Variants in NALF1 observed in about 807,000 individuals in gnomAD.
NALF1 encodes family with sequence similarity 155 member A.
A neutral mutation model predicts 48.4 loss-of-function variants in NALF1; 3 were observed. The observed-to-expected ratio is 0.06, with a 90% CI of 0.03 to 0.16. The LOEUF is 0.16. Ranked by LOEUF, NALF1 falls within the 10% of genes least tolerant of loss-of-function variation. NALF1 has a pLI of 1.00. For synonymous variants in NALF1, 262 were observed against 245.7 expected, an observed-to-expected ratio of 1.07 and a Z score of -0.62; for missense variants, 526 against 571.5, an observed-to-expected ratio of 0.92 and a Z score of 0.81.
intron 1 of NALF1, among the ~76,000 whole-genome samples, chr13:107,817,429 C>T (rs902879239): frequency 1.3e-5 from 2 of 152,090 alleles, no homozygotes; most frequent in African/African-American, 2.4e-5. Flanking sequence ...GGACACACAG[C>T]CAGAGCTATA....
intron 1 of NALF1, among the ~76,000 whole-genome samples, chr13:107,673,984 A>G (rs1316603946): frequency 6.6e-6 from 1 of 152,112 alleles, no homozygotes; most frequent in Non-Finnish European, 1.5e-5. Context: ...GGCAGCAGCT[A>G]TTAAGTGTTC....
intron 1 of NALF1, among the ~76,000 whole-genome samples, chr13:107,254,815 A>G (rs1880779551): frequency 6.6e-6 from 1 of 152,224 alleles, no homozygotes; most frequent in African/African-American, 2.4e-5. Context: ...GGCAAATGCT[A>G]TAACTACAGC....
At chr13:107,343,729 G>A (rs1447774145) in intron 1 of NALF1, among the ~76,000 whole-genome samples, 1 of 152,038 alleles carries the variant, frequency 6.6e-6, no homozygotes, top group Non-Finnish European at 1.5e-5. Context: ...AGCACCAAGA[G>A]CAAAGTTTAT....
At chr13:107,403,737 C>A (rs1883852522) in intron 1 of NALF1, among the ~76,000 whole-genome samples, 1 of 151,160 alleles carries the variant, frequency 6.6e-6, no homozygotes, top group Non-Finnish European at 1.5e-5. Context: ...AAAAAACTCA[C>A]CTTTTTTAGA....
At chr13:107,618,796 TCAGGGAAAGTATTGATGCTTAGTCTG>T (rs1879450172) in intron 1 of NALF1, among the ~76,000 whole-genome samples, 1 of 152,116 alleles carries the variant, frequency 6.6e-6, no homozygotes, top group African/African-American at 2.4e-5. Context: ...AGACTGAGGG[TCAGGGAAAGTATTGATGCTTAGTCTG>T]CAGGGGTGGA....
chr13:107,173,684 A>G (rs1878852294), intron 2 of NALF1, among the ~76,000 whole-genome samples: 1 of 152,024 alleles, frequency 6.6e-6, no homozygotes, highest in Non-Finnish European at 1.5e-5. Flanking sequence ...AGGGTTTACA[A>G]CCTCTAGTGT....
chr13:107,794,219 G>T (rs1878338144), intron 1 of NALF1, among the ~76,000 whole-genome samples: 1 of 152,108 alleles, frequency 6.6e-6, no homozygotes, highest in Admixed American at 6.6e-5. Flanking sequence ...TGAAGAACAA[G>T]AACAGCTGCC....
At chr13:107,295,543 C>G (rs1276204243) in intron 1 of NALF1, among the ~76,000 whole-genome samples, 1 of 152,136 alleles carries the variant, frequency 6.6e-6, no homozygotes, top group African/African-American at 2.4e-5. Flanking sequence ...CATCCACTGC[C>G]TTCTTCACAC....
chr13:107,294,717 G>C (rs536408630), intron 1 of NALF1, among the ~76,000 whole-genome samples: 1 of 152,338 alleles, frequency 6.6e-6, no homozygotes, highest in East Asian at 1.9e-4. Flanking sequence ...ACCTAGCTGA[G>C]AATGCAAACC....
intron 1 of NALF1, among the ~76,000 whole-genome samples, chr13:107,779,414 C>T (rs1430720713): frequency 1.3e-5 from 2 of 152,162 alleles, no homozygotes; most frequent in Admixed American, 6.5e-5. Context: ...AGATCCTATA[C>T]ATTATCTGAG....
rs1879025639 is a variant in NALF1 at position 107,179,838 on chromosome 13, T to G, written c.1088-9052A>C. Among the ~76,000 whole-genome samples, 3 of 149,070 alleles carry G rather than the reference T, an allele frequency of 2.0e-5. No individual in the cohort carries two copies. The Admixed American group carries it at 2.0e-4, about 10-fold the overall frequency. On this transcript the variant is annotated intron_variant, in intron 2 of 2. Transcript: ENST00000375915. The stretch of plus-strand genomic sequence containing the variant: ...CCACCTATTCCTGGAGCTTCTTGGC[T>G]GGCAGGCATCATTCCAGCTGCTGCT...
chr13:107,320,120 A>C (rs1477793296), intron 1 of NALF1, among the ~76,000 whole-genome samples: 2 of 152,132 alleles, frequency 1.3e-5, no homozygotes, highest in Non-Finnish European at 2.9e-5. Context: ...CAGTCTTTTG[A>C]CTTGCTAATT....
At chr13:107,433,335 ATG>A (rs1229066560) in intron 1 of NALF1, among the ~76,000 whole-genome samples, 2 of 152,222 alleles carry the variant, frequency 1.3e-5, no homozygotes, top group Non-Finnish European at 2.9e-5. Flanking sequence ...GTTAGAATAA[ATG>A]TGTCTTCTAA....
intron 1 of NALF1, among the ~76,000 whole-genome samples, chr13:107,618,574 G>A (rs903117125): frequency 1.3e-5 from 2 of 152,190 alleles, no homozygotes; most frequent in Admixed American, 6.5e-5. Context: ...TCAGGTTAGA[G>A]AGATGGCAGT....
At chr13:107,833,830 C>G (rs1168086063) in intron 1 of NALF1, among the ~76,000 whole-genome samples, 2 of 151,896 alleles carry the variant, frequency 1.3e-5, no homozygotes, top group Non-Finnish European at 1.5e-5. Context: ...ATTTTAATTT[C>G]CAGTATTTTG....
chr13:107,404,035 A>C (rs565359772), intron 1 of NALF1, among the ~76,000 whole-genome samples: 1 of 152,112 alleles, frequency 6.6e-6, no homozygotes, highest in Non-Finnish European at 1.5e-5. Flanking sequence ...AAAAATAAAG[A>C]TTTAGTTACA....
rs1309594299 is a variant in NALF1 at position 107,638,619 on chromosome 13, A to C, written c.915+227063T>G. Reference sequence around the variant, plus strand: ...TTTCAGAGAGTGATGCAAGCTTTGAAGGAAAAACTAATAACAGTACAAACA... The same window carrying C: ...TTTCAGAGAGTGATGCAAGCTTTGACGGAAAAACTAATAACAGTACAAACA... On this transcript the variant is annotated intron_variant, in intron 1 of 2. Transcript: ENST00000375915. Among the ~76,000 whole-genome samples, 2 of 152,228 alleles carry C rather than the reference A, an allele frequency of 1.3e-5. 1 individual carries two copies. Among genetic ancestry groups the C allele is most frequent in the South Asian group, 4.1e-4 (2 of 4,822 alleles).
chr13:107,612,827 A>G (rs1879271726), intron 1 of NALF1, among the ~76,000 whole-genome samples: 1 of 152,114 alleles, frequency 6.6e-6, no homozygotes, highest in Non-Finnish European at 1.5e-5. Context: ...TAATCACACG[A>G]GACATATTTT....
intron 1 of NALF1, among the ~76,000 whole-genome samples, chr13:107,313,555 T>A (rs1882085770): frequency 6.6e-6 from 1 of 152,132 alleles, no homozygotes; most frequent in African/African-American, 2.4e-5. Flanking sequence ...ACCCTGGCAA[T>A]GTAAACTGGT....
Sources: allele counts gnomAD v4.1 joint callset (sites outside exome capture counted in the v4.1 genomes callset), GRCh38; gene constraint gnomAD v4.1.1; transcripts MANE v1.5; gene names NCBI Gene and HGNC (gene_info 2026-07-23, HGNC 2026-07-21).